The following PCDHGA5 variants were observed in gnomAD, a reference collection of about 807,000 sequenced individuals.
PCDHGA5 encodes the protein protocadherin gamma subfamily A, 5, also known as protocadherin gamma-A5.
In PCDHGA5, 36 loss-of-function variants were observed where a neutral mutation model predicts 56.7. That is an observed-to-expected ratio of 0.64 (90% CI 0.49 to 0.84). The LOEUF (loss-of-function observed/expected upper bound fraction) is 0.84, where lower values mean the gene tolerates loss of function less well. Among genes scored for constraint, PCDHGA5 ranks in the 40% least tolerant of loss-of-function variants. The pLI, the probability that PCDHGA5 is intolerant of heterozygous loss-of-function variation, is 0.00. For missense variants in PCDHGA5, 1,305 were observed against 1,201.5 expected (o/e 1.09, Z -1.27); for synonymous variants, 563 against 520.2 (o/e 1.08, Z -1.12).
At chr5:141,405,082 G>A (rs376389835) in intron 1 of PCDHGA5, 21 of 1,613,674 alleles carry the variant, frequency 1.3e-5, no homozygotes, top group East Asian at 2.2e-5. Context: ...TCGTTATCAC[G>A]CTGCTGGCCC....
At chr5:141,479,740 C>T (rs1434967266) in intron 1 of PCDHGA5, 1 of 152,168 alleles carries the variant, frequency 6.6e-6, no homozygotes, top group Non-Finnish European at 1.5e-5. Context: ...AGTATATGCA[C>T]AATGTGAAAG....
intron 1 of PCDHGA5, chr5:141,400,298 A>G (rs2093998591): frequency 6.2e-7 from 1 of 1,613,974 alleles, no homozygotes; most frequent in Non-Finnish European, 8.5e-7. Context: ...AGCTGCTTCC[A>G]ACCTGGTCTC....
chr5:141,466,401 T>A (rs2099122186), intron 1 of PCDHGA5, among the ~76,000 whole-genome samples: 1 of 152,210 alleles, frequency 6.6e-6, no homozygotes, highest in Non-Finnish European at 1.5e-5. Flanking sequence ...TTTGCTCAAC[T>A]TTAATTTTTC....
At chr5:141,384,440 T>C (rs766102464) in intron 1 of PCDHGA5, 6 of 1,614,046 alleles carry the variant, frequency 3.7e-6, no homozygotes, top group Non-Finnish European at 4.2e-6. Context: ...ACTGGAGTCC[T>C]GTACGCGCTG....
chr5:141,375,929 C>T, intron 1 of PCDHGA5: 1 of 1,613,738 alleles, frequency 6.2e-7, no homozygotes, highest in South Asian at 1.1e-5. Context: ...CGAGCCAGGA[C>T]TTTTCTCAGT....
intron 2 of PCDHGA5, among the ~76,000 whole-genome samples, chr5:141,500,148 G>A (rs936567158): frequency 6.6e-6 from 1 of 150,990 alleles, no homozygotes; most frequent in Non-Finnish European, 1.5e-5. Flanking sequence ...ACTTTTCTTT[G>A]TGTAATCAAA....
chr5:141,478,384 T>G, intron 1 of PCDHGA5: 1 of 1,613,658 alleles, frequency 6.2e-7, no homozygotes, highest in South Asian at 1.1e-5. Context: ...CGCCGCACCT[T>G]TACCATCAGG....
rs1419985074 is a variant in PCDHGA5, at chr5:141,431,009, T to C, written c.2422-63798T>C. On this transcript the variant is annotated intron_variant, in intron 1 of 3. Transcript: ENST00000518069. The surrounding 1 kb of genome is among the most constrained non-coding windows in gnomAD (Gnocchi z 4.8). ...CGCCCTGAATCCGCGCAGCGGCAGC[T>C]TGGTCACGGCGGGCAGGATAGACCG... The C allele has an allele frequency of 3.7e-6, 6 of 1,613,884 alleles. No individual in the cohort carries two copies. Among genetic ancestry groups the C allele is most frequent in the Non-Finnish European group, 5.1e-6 (6 of 1,179,984 alleles).
intron 1 of PCDHGA5, chr5:141,405,379 G>T: frequency 1.2e-6 from 2 of 1,606,832 alleles, no homozygotes; most frequent in Non-Finnish European, 1.7e-6. Flanking sequence ...TGGTTCCGGT[G>T]AGTTCATTTT....
intron 1 of PCDHGA5, chr5:141,418,998 G>C (rs757681244): frequency 1.9e-6 from 3 of 1,613,940 alleles, no homozygotes; most frequent in South Asian, 1.1e-5. Context: ...GGGGAAAATG[G>C]GGAAGTCAGG....
At position 141,390,172 on chromosome 5, in the gene PCDHGA5, ATT is replaced by A. The variant is rs745723390; in HGVS notation, c.2421+23423_2421+23424del. 218 of 1,614,012 alleles carry A rather than the reference ATT, an allele frequency of 1.4e-4. 1 individual carries two copies. In the African/African-American group the frequency reaches 2.7e-3, roughly 20 times the overall value. ...GCACATACAGGAAAGACGGAGTTTA[ATT>A]TCCTAAAATGTAGTGAGCAGTTGAG... On this transcript the variant is annotated intron_variant, in intron 1 of 3. Transcript: ENST00000518069.
intron 1 of PCDHGA5, among the ~76,000 whole-genome samples, chr5:141,472,131 A>C (rs565506002): frequency 6.6e-6 from 1 of 152,264 alleles, no homozygotes; most frequent in Non-Finnish European, 1.5e-5. Flanking sequence ...AGAGAAGTTA[A>C]AAATAAAAGT....
At chr5:141,371,906 C>G in intron 1 of PCDHGA5, 1 of 1,613,406 alleles carries the variant, frequency 6.2e-7, no homozygotes, top group Non-Finnish European at 8.5e-7. Flanking sequence ...TGTCGTCCTA[C>G]GTGTCCGTGA....
intron 1 of PCDHGA5, among the ~76,000 whole-genome samples, chr5:141,446,247 A>T (rs969960822): frequency 6.6e-6 from 1 of 152,160 alleles, no homozygotes; most frequent in African/African-American, 2.4e-5. Context: ...GTAGATCTTC[A>T]GTGAAATATT....
At chr5:141,378,078 T>A (rs1215089288) in intron 1 of PCDHGA5, 2 of 152,178 alleles carry the variant, frequency 1.3e-5, no homozygotes, top group African/African-American at 4.8e-5. Context: ...GAAAATAATT[T>A]TATAACTTTT....
intron 1 of PCDHGA5, chr5:141,421,961 A>G: frequency 6.2e-7 from 1 of 1,612,542 alleles, no homozygotes; most frequent in Non-Finnish European, 8.5e-7. Context: ...ATGTTTACAC[A>G]GTCCGTATAT....
In PCDHGA5 at chr5:141,494,849, A is replaced by C; in HGVS notation, c.2464A>C (p.Arg822=). ...NTDWRFSQAQ[R]PGTSGSQNGD... ...GGACTGGCGTTTCTCTCAGGCCCAG[A>C]GACCCGGCACCAGCGGGTAGGTGAC... Residue 822 remains arginine, a synonymous_variant, in exon 2 of 4, where the codon AGA becomes CGA. Transcript: ENST00000518069. 1 of 1,614,102 alleles carries C rather than the reference A, an allele frequency of 6.2e-7. No individual in the cohort carries two copies. Among genetic ancestry groups the C allele is most frequent in the Non-Finnish European group, 8.5e-7 (1 of 1,180,014 alleles).
chr5:141,400,867 C>A (rs1005203103), intron 1 of PCDHGA5, among the ~76,000 whole-genome samples: 37 of 152,162 alleles, frequency 2.4e-4, no homozygotes, highest in African/African-American at 8.9e-4. Context: ...TGTAGATAAA[C>A]CATTAAATTT....
intron 1 of PCDHGA5, chr5:141,409,822 C>A (rs983633484): frequency 6.2e-6 from 10 of 1,610,868 alleles, no homozygotes; most frequent in Non-Finnish European, 6.8e-6. Flanking sequence ...ACGGCTCGCC[C>A]ACGCTCAGCG....
Sources: gnomAD v4.1 joint callset for allele counts (sites outside exome capture counted in the v4.1 genomes callset) on GRCh38, gnomAD v4.1.1 for gene constraint, Gnocchi (gnomAD v3.1) non-coding constraint, MANE v1.5 for transcripts, NCBI Gene and HGNC (gene_info 2026-07-23, HGNC 2026-07-21) for gene names.